Variants in C12orf42 observed in about 807,000 individuals in gnomAD.
C12orf42 encodes the protein chromosome 12 open reading frame 42.
In C12orf42, 25 loss-of-function variants were observed where a neutral mutation model predicts 21.6. That is an observed-to-expected ratio of 1.16 (90% CI 0.84 to 1.62). The LOEUF is 1.62. Ranked by LOEUF, C12orf42 falls within the 40% of genes most tolerant of loss-of-function variation. The pLI, the probability that C12orf42 is intolerant of heterozygous loss-of-function variation, is 0.00. For synonymous variants in C12orf42, 174 were observed against 175.0 expected (o/e 0.99, Z 0.05); for missense variants, 483 against 459.3 (o/e 1.05, Z -0.47).
the C12orf42 span, among the ~76,000 whole-genome samples, chr12:103,072,755 A>T: frequency 6.6e-6 from 1 of 152,104 alleles, no homozygotes; most frequent in Non-Finnish European, 1.5e-5. Flanking sequence ...TTTCTCCACA[A>T]CCTCACCAGC....
the C12orf42 span, among the ~76,000 whole-genome samples, chr12:103,195,306 AC>A: frequency 3.3e-5 from 5 of 152,274 alleles, no homozygotes; most frequent in East Asian, 9.6e-4. Context: ...TTGGGTATAT[AC>A]CCAGTAATGG....
At chr12:103,434,900 C>T (rs1466060857) in intron 2 of C12orf42, among the ~76,000 whole-genome samples, 3 of 152,240 alleles carry the variant, frequency 2.0e-5, no homozygotes, top group African/African-American at 7.2e-5. Flanking sequence ...GAGCCCACCA[C>T]AGCTCAAGGA....
At chr12:103,484,896 GTCTC>G (rs1398996571) in intron 1 of C12orf42, among the ~76,000 whole-genome samples, 2 of 122,206 alleles carry the variant, frequency 1.6e-5, no homozygotes, top group African/African-American at 5.9e-5. Flanking sequence ...TTGAGAAGGA[GTCTC>G]TCTCTGTCGC....
chr12:103,489,522 C>G (rs1310377683), intron 1 of C12orf42, among the ~76,000 whole-genome samples: 1 of 152,256 alleles, frequency 6.6e-6, no homozygotes, highest in Non-Finnish European at 1.5e-5. Context: ...GCAGACGTTA[C>G]TGCTGCCTTT....
At chr12:103,538,523 G>A in the C12orf42 span, among the ~76,000 whole-genome samples, 1 of 152,162 alleles carries the variant, frequency 6.6e-6, no homozygotes, top group South Asian at 2.1e-4. Flanking sequence ...AATTGAAAAG[G>A]CAGAAGACAA....
chr12:103,134,154 G>A, the C12orf42 span, among the ~76,000 whole-genome samples: 1 of 152,158 alleles, frequency 6.6e-6, no homozygotes, highest in Non-Finnish European at 1.5e-5. Context: ...AGAAGTGACT[G>A]TTATACCTGA....
At chr12:103,521,708 G>T in the C12orf42 span, among the ~76,000 whole-genome samples, 1 of 152,080 alleles carries the variant, frequency 6.6e-6, no homozygotes, top group South Asian at 2.1e-4. Flanking sequence ...TTTTAAAAAA[G>T]AGAAACTACC....
chr12:103,171,040 G>T, the C12orf42 span, among the ~76,000 whole-genome samples: 58 of 152,096 alleles, frequency 3.8e-4, no homozygotes, highest in Non-Finnish European at 4.4e-4. Context: ...ATAGATTTCT[G>T]TACTGTTTCT....
chr12:103,245,476 T>C (rs1271042481), intron 10 of C12orf42, among the ~76,000 whole-genome samples: 3 of 152,066 alleles, frequency 2.0e-5, no homozygotes, highest in Non-Finnish European at 4.4e-5. Flanking sequence ...ACATTTTTCA[T>C]GTAAAAAAAC....
chr12:103,529,064 A>T, the C12orf42 span, among the ~76,000 whole-genome samples: 59 of 152,308 alleles, frequency 3.9e-4, no homozygotes, highest in African/African-American at 9.6e-4. Context: ...GGAAAAAACA[A>T]CAACGAAAAA....
At chr12:103,122,847 A>C in the C12orf42 span, among the ~76,000 whole-genome samples, 1 of 152,172 alleles carries the variant, frequency 6.6e-6, no homozygotes, top group Admixed American at 6.5e-5. Context: ...TGGGCAAAGG[A>C]GGCACATGAG....
the C12orf42 span, among the ~76,000 whole-genome samples, chr12:103,124,087 C>T: frequency 6.9e-6 from 1 of 144,234 alleles, no homozygotes; most frequent in African/African-American, 2.5e-5. Context: ...GAATGTAATT[C>T]ATGGATATTC....
chr12:103,072,378 C>A, the C12orf42 span, among the ~76,000 whole-genome samples: 1 of 151,826 alleles, frequency 6.6e-6, no homozygotes, highest in African/African-American at 2.4e-5. Context: ...CCTATACCAT[C>A]TATTCTCATT....
the C12orf42 span, among the ~76,000 whole-genome samples, chr12:103,543,903 G>GTTTTTT: frequency 9.7e-6 from 1 of 103,450 alleles, no homozygotes. Context: ...TTTGTTTTTT[G>GTTTTTT]TTTTTTTTGA....
At chr12:103,078,722 C>T in the C12orf42 span, among the ~76,000 whole-genome samples, 84 of 152,278 alleles carry the variant, frequency 5.5e-4, no homozygotes, top group African/African-American at 9.6e-4. Context: ...ATTGTTTGCA[C>T]GGTCTATTTT....
chr12:103,331,241 A>G (rs1028731957), intron 4 of C12orf42, among the ~76,000 whole-genome samples: 2 of 152,248 alleles, frequency 1.3e-5, no homozygotes, highest in Admixed American at 6.5e-5. Flanking sequence ...AGCCTATTCT[A>G]TAACAAAGTG....
At chr12:103,534,886 G>A in the C12orf42 span, among the ~76,000 whole-genome samples, 1 of 152,136 alleles carries the variant, frequency 6.6e-6, no homozygotes, top group Non-Finnish European at 1.5e-5. Flanking sequence ...CTTTCCCTGG[G>A]GTAAGTGTTT....
At chr12:103,120,396 G>T in the C12orf42 span, among the ~76,000 whole-genome samples, 1 of 152,160 alleles carries the variant, frequency 6.6e-6, no homozygotes, top group African/African-American at 2.4e-5. Flanking sequence ...AAAGGACATA[G>T]CCATAGGTAA....
the C12orf42 span, among the ~76,000 whole-genome samples, chr12:103,520,452 T>C: frequency 6.6e-6 from 1 of 151,808 alleles, no homozygotes; most frequent in African/African-American, 2.4e-5. Context: ...ACTTTGAGAG[T>C]CCCAAGTCAG....
Sources: allele counts gnomAD v4.1 joint callset (sites outside exome capture counted in the v4.1 genomes callset), GRCh38; gene constraint gnomAD v4.1.1; transcripts MANE v1.5; gene names NCBI Gene and HGNC (gene_info 2026-07-23, HGNC 2026-07-21).